The following TXNL4A variants were observed in gnomAD, a reference collection of about 807,000 sequenced individuals.
TXNL4A encodes the protein thioredoxin like 4A.
A neutral mutation model predicts 14.6 loss-of-function variants in TXNL4A; 17 were observed. The ratio of observed to expected loss-of-function variants is 1.16; its 90% CI spans 0.80 to 1.74. The LOEUF is 1.74. Ranked by LOEUF, TXNL4A falls within the 40% of genes most tolerant of loss-of-function variation. The pLI is 0.00. For missense variants in TXNL4A, 74 were observed against 195.2 expected (o/e 0.38, Z 3.70); for synonymous variants, 83 against 70.6 (o/e 1.18, Z -0.88).
At position 79,988,333 on chromosome 18, in the gene TXNL4A, C is replaced by T. The variant is rs2051588236; in HGVS notation, c.60G>A (p.Ser20=). 5.0e-6 allele frequency: 8 copies of T among 1,587,264 alleles called. No homozygotes were observed. The highest frequency in any genetic ancestry group is 6.9e-6 in the Non-Finnish European group (8 of 1,166,430). ...GGATGACGACCACGCGGTCCTCCTC[C>T]GAGAGGATGGCCTGGTCCACCTGCC... ...NGWQVDQAIL[S]EEDRVVVIRF... The change falls in exon 1 of 3, where the codon TCG becomes TCA. Residue 20 remains serine (S), a synonymous_variant. Transcript: ENST00000269601.
rs934848686 is a variant in TXNL4A, at chr18:79,973,675, T to C, written c.*10A>G. On this transcript the variant is annotated 3_prime_UTR_variant, in exon 3 of 3. Coordinates refer to ENST00000269601, the MANE Select transcript of TXNL4A (RefSeq NM_006701.5). Reference sequence around the variant, plus strand: ...CTCCACGACATTTATCCGCGCAGACTGAGGGCGCCTCAGTAGCGGTACTTG... The same window carrying C: ...CTCCACGACATTTATCCGCGCAGACCGAGGGCGCCTCAGTAGCGGTACTTG... The C allele has an allele frequency of 1.1e-5, 18 of 1,607,338 alleles. No individual in the cohort carries two copies. Among genetic ancestry groups the C allele is most frequent in the Admixed American group, 5.1e-5 (3 of 58,264 alleles).
At chr18:79,978,408 A>C (rs544633589) in intron 1 of TXNL4A, among the ~76,000 whole-genome samples, 1 of 152,230 alleles carries the variant, frequency 6.6e-6, no homozygotes, top group South Asian at 2.1e-4. Context: ...TTTTTTCTTT[A>C]ATTGCAAGTT....
chr18:80,002,401 C>T (rs1299131860), intron 1 of TXNL4A, among the ~76,000 whole-genome samples: 3 of 152,096 alleles, frequency 2.0e-5, no homozygotes, highest in Admixed American at 2.0e-4. Context: ...ATGGCACAAT[C>T]CACAGTTCAG....
At chr18:80,014,807 T>C (rs2051795964) in intron 1 of TXNL4A, among the ~76,000 whole-genome samples, 1 of 152,170 alleles carries the variant, frequency 6.6e-6, no homozygotes, top group Non-Finnish European at 1.5e-5. Flanking sequence ...CTAGCAGAGG[T>C]TCTCCATGAG....
Position 79,972,843 on chromosome 18 carries a change from G to A in TXNL4A, c.*842C>T, listed in dbSNP as rs1245607411. The A allele has an allele frequency of 2.0e-5, 3 of 152,150 alleles. No homozygotes were observed. Among genetic ancestry groups the A allele is most frequent in the Admixed American group, 2.0e-4 (3 of 15,260 alleles). 9.4% of individuals were successfully genotyped at this position (152,150 alleles called of 1,614,324 possible). A position where few individuals can be genotyped will look rare whatever the true frequency, so the allele number is the denominator to read the frequency against. On this transcript the variant is annotated 3_prime_UTR_variant, in exon 3 of 3. Transcript: ENST00000269601. ...ATGTTTACATCAAATACAATCTTGGGAAGAATAAAAAATAGCTCTCCTATT... is the reference window on the plus strand; with the variant it reads ...ATGTTTACATCAAATACAATCTTGGAAAGAATAAAAAATAGCTCTCCTATT...
At chr18:79,975,127 A>G (rs1243107723) in intron 2 of TXNL4A, among the ~76,000 whole-genome samples, 1 of 152,104 alleles carries the variant, frequency 6.6e-6, no homozygotes, top group Admixed American at 6.5e-5. Context: ...CTGCAGCCCT[A>G]TCTGACCTGG....
intron 1 of TXNL4A, among the ~76,000 whole-genome samples, chr18:80,024,407 T>C (rs1380008305): frequency 6.6e-6 from 1 of 152,194 alleles, no homozygotes; most frequent in Non-Finnish European, 1.5e-5. Context: ...TTGGAGTGCT[T>C]AGAAATCGTA....
upstream of TXNL4A, chr18:79,988,634 A>C (rs1029958744): frequency 2.9e-6 from 1 of 347,610 alleles, no homozygotes; most frequent in Non-Finnish European, 5.1e-6. Flanking sequence ...TGCTGACGGC[A>C]TGTGCGTATA....
chr18:80,012,543 T>TTCCC (rs2051776815), intron 1 of TXNL4A, among the ~76,000 whole-genome samples: 2 of 152,294 alleles, frequency 1.3e-5, no homozygotes, highest in South Asian at 4.1e-4. Flanking sequence ...TGGTTTTATG[T>TTCCC]TGTGGTTCAT....
At chr18:80,026,931 T>C (rs1455599530) in intron 1 of TXNL4A, among the ~76,000 whole-genome samples, 2 of 152,158 alleles carry the variant, frequency 1.3e-5, no homozygotes, top group African/African-American at 2.4e-5. Context: ...TGTTAAAACA[T>C]AATCTTGTGA....
intron 1 of TXNL4A, among the ~76,000 whole-genome samples, chr18:79,987,228 TAAC>T (rs2051564480): frequency 6.6e-6 from 1 of 152,216 alleles, no homozygotes; most frequent in Admixed American, 6.5e-5. Flanking sequence ...AACTAAAATA[TAAC>T]AACAGTTCCT....
chr18:80,021,297 C>T (rs957212612), intron 1 of TXNL4A, among the ~76,000 whole-genome samples: 6 of 152,102 alleles, frequency 3.9e-5, no homozygotes, highest in African/African-American at 1.2e-4. Context: ...CTGCCTCAGC[C>T]TCCCGAGTAG....
At chr18:80,029,363 A>G (rs1389024451) in intron 1 of TXNL4A, among the ~76,000 whole-genome samples, 2 of 152,180 alleles carry the variant, frequency 1.3e-5, no homozygotes, top group Non-Finnish European at 2.9e-5. Flanking sequence ...CTTTTGAGGT[A>G]TGGCAGCTTG....
chr18:79,989,770 G>A (rs1599733986), upstream of TXNL4A, among the ~76,000 whole-genome samples: 1 of 152,238 alleles, frequency 6.6e-6, no homozygotes, highest in Admixed American at 6.5e-5. Context: ...CGAGGCCGGC[G>A]GATCGCCTAT....
chr18:79,978,881 G>A (rs1423173024), intron 1 of TXNL4A, among the ~76,000 whole-genome samples: 1 of 151,308 alleles, frequency 6.6e-6, no homozygotes, highest in African/African-American at 2.4e-5. Flanking sequence ...AGCAAAATAT[G>A]GTCATATTGT....
At chr18:79,988,736 T>TG (rs1568370313), upstream of TXNL4A, 1 of 173,644 alleles carries the variant, frequency 5.8e-6, no homozygotes, top group Non-Finnish European at 1.2e-5. Flanking sequence ...GCTGTCGGAG[T>TG]GGGGGTTCCT....
At chr18:80,033,450 G>T (rs1434794935) in intron 1 of TXNL4A, among the ~76,000 whole-genome samples, 1 of 152,212 alleles carries the variant, frequency 6.6e-6, no homozygotes, top group Non-Finnish European at 1.5e-5. Flanking sequence ...CTGGGGAGGC[G>T]GGCGGGGCGA....
At chr18:80,028,982 C>T (rs977185245) in intron 1 of TXNL4A, among the ~76,000 whole-genome samples, 14 of 152,190 alleles carry the variant, frequency 9.2e-5, no homozygotes, top group East Asian at 1.9e-4. Flanking sequence ...GAGCAGCACC[C>T]GAGCCACCAG....
At chr18:79,999,543 A>G (rs2051685563) in intron 1 of TXNL4A, among the ~76,000 whole-genome samples, 2 of 151,796 alleles carry the variant, frequency 1.3e-5, no homozygotes, top group African/African-American at 2.4e-5. Flanking sequence ...TCTCAAAAAA[A>G]AAAAAAAAAA....
Sources: allele counts gnomAD v4.1 joint callset (sites outside exome capture counted in the v4.1 genomes callset), GRCh38; gene constraint gnomAD v4.1.1; transcripts MANE v1.5; gene names NCBI Gene and HGNC (gene_info 2026-07-23, HGNC 2026-07-21).